Variants in ABCC9 observed in about 807,000 individuals in gnomAD.
ABCC9 encodes the protein ATP-binding cassette sub-family C member 9.
In ABCC9, 95 loss-of-function variants were observed where a neutral mutation model predicts 188.3. The observed-to-expected ratio is 0.50, with a 90% confidence interval of 0.43 to 0.60. The LOEUF is 0.60. ABCC9 is among the 20% of genes least tolerant of loss of function. The probability of loss-of-function intolerance (pLI) is 0.00; values close to 1 mark genes in which losing one functional copy is unlikely to be tolerated. For synonymous variants in ABCC9, 659 were observed against 652.7 expected (o/e 1.01, Z -0.15); for missense variants, 1,102 against 1,876.3 (o/e 0.59, Z 7.62).
At chr12:21,882,734 A>G (rs762322910) in intron 16 of ABCC9, 32 bp downstream of exon 16, 1 of 1,525,806 alleles carries the variant, frequency 6.6e-7, no homozygotes, top group Non-Finnish European at 9.1e-7. Flanking sequence ...AAATGTTTCT[A>G]TTCATGTAAG....
intron 35 of ABCC9, among the ~76,000 whole-genome samples, chr12:21,813,131 C>G (rs955560128): frequency 6.6e-6 from 1 of 151,954 alleles, no homozygotes; most frequent in African/African-American, 2.4e-5. Context: ...CTTTAAAAAC[C>G]AGGATCTTTG....
At chr12:21,893,972 A>G (rs542459860) in intron 14 of ABCC9, 60 bp downstream of exon 14, 1 of 1,555,958 alleles carries the variant, frequency 6.4e-7, no homozygotes, top group Middle Eastern at 1.7e-4. Context: ...AAATACTCCT[A>G]TTAGCACACG....
At chr12:21,896,182 C>T (rs1367797406) in intron 12 of ABCC9, among the ~76,000 whole-genome samples, 1 of 149,436 alleles carries the variant, frequency 6.7e-6, no homozygotes, top group Non-Finnish European at 1.5e-5. Flanking sequence ...TATACATGTG[C>T]CATGCTGGTG....
At chr12:21,835,840 T>C (rs1450979872) in intron 30 of ABCC9, among the ~76,000 whole-genome samples, 1 of 152,092 alleles carries the variant, frequency 6.6e-6, no homozygotes, top group Non-Finnish European at 1.5e-5. Context: ...TATACCAAAA[T>C]GATCAAAAAC....
intron 18 of ABCC9, among the ~76,000 whole-genome samples, chr12:21,869,265 C>T (rs1274705771): frequency 6.6e-6 from 1 of 152,118 alleles, no homozygotes; most frequent in African/African-American, 2.4e-5. Context: ...ACACTTTCAT[C>T]CTGCTGGCTG....
chr12:21,895,159 T>A, intron 13 of ABCC9, 116 bp downstream of exon 13: 2 of 872,970 alleles, frequency 2.3e-6, no homozygotes, highest in Middle Eastern at 5.1e-4. Context: ...GAGACTGCCA[T>A]AGAGAGAAGT....
At chr12:21,879,353 G>T (rs1309169927) in intron 16 of ABCC9, among the ~76,000 whole-genome samples, 1 of 152,096 alleles carries the variant, frequency 6.6e-6, no homozygotes, top group Non-Finnish European at 1.5e-5. Flanking sequence ...AAAAGCAGGA[G>T]CCAGATAGAC....
At chr12:21,937,484 T>C (rs1949533573) in intron 2 of ABCC9, among the ~76,000 whole-genome samples, 2 of 152,140 alleles carry the variant, frequency 1.3e-5, no homozygotes, top group Admixed American at 6.5e-5. Flanking sequence ...CGGCTTCTAC[T>C]CTTAGTGAAG....
intron 5 of ABCC9, among the ~76,000 whole-genome samples, chr12:21,919,893 C>G (rs1948737183): frequency 6.6e-6 from 1 of 151,906 alleles, no homozygotes; most frequent in Non-Finnish European, 1.5e-5. Flanking sequence ...ATCAAGCATG[C>G]ATAATATATT....
chr12:21,891,278 G>T (rs1238311161), intron 14 of ABCC9, among the ~76,000 whole-genome samples: 2 of 152,166 alleles, frequency 1.3e-5, no homozygotes, highest in East Asian at 3.8e-4. Context: ...TGGTAAGACG[G>T]TGAAATGGAG....
intron 6 of ABCC9, 132 bp from the exon 7 acceptor site, chr12:21,916,042 C>T (rs1948591130): frequency 2.3e-6 from 2 of 852,772 alleles, no homozygotes; most frequent in Admixed American, 2.7e-5. Flanking sequence ...TCCTTCCATC[C>T]CTTTCTGAAA....
chr12:21,911,779 T>C (rs1419234254), intron 8 of ABCC9, among the ~76,000 whole-genome samples: 3 of 151,960 alleles, frequency 2.0e-5, no homozygotes, highest in Non-Finnish European at 2.9e-5. Context: ...GTGGTTAATA[T>C]ATGCAAGGGA....
intron 22 of ABCC9, among the ~76,000 whole-genome samples, chr12:21,854,772 A>G (rs752915193): frequency 2.4e-4 from 37 of 152,360 alleles, no homozygotes; most frequent in Non-Finnish European, 4.4e-4. Context: ...CTGGTAGAGA[A>G]TTCTACCACT....
chr12:21,799,010 C>G lies in ABCC9; in HGVS notation c.*2034G>C, dbSNP rs12817966. 1 of 146,568 alleles carries G rather than the reference C, an allele frequency of 6.8e-6. No homozygotes were observed. The highest frequency in any genetic ancestry group is 1.5e-5 in the Non-Finnish European group (1 of 66,818). 9.1% of individuals were successfully genotyped at this position (146,568 alleles called of 1,614,324 possible). A position where few individuals can be genotyped will look rare whatever the true frequency, so the allele number is the denominator to read the frequency against. ...ACTATCGCAAGAACAAAAAACCAAA[C>G]ACCGCATATTCTCACTCATAGGTGG... On this transcript the variant is annotated 3_prime_UTR_variant, in exon 40 of 40. Coordinates refer to ENST00000261200, the MANE Select transcript of ABCC9 (RefSeq NM_020297.4).
intron 15 of ABCC9, among the ~76,000 whole-genome samples, chr12:21,885,456 G>A (rs1946824673): frequency 6.6e-6 from 1 of 152,042 alleles, no homozygotes; most frequent in East Asian, 1.9e-4. Flanking sequence ...AAATTCTTCA[G>A]ATTTCCCTAA....
chr12:21,851,610 C>G (rs1000107874), intron 24 of ABCC9, among the ~76,000 whole-genome samples: 1 of 152,098 alleles, frequency 6.6e-6, no homozygotes, highest in African/African-American at 2.4e-5. Context: ...TACCTTCTTT[C>G]ACCCCAGAAG....
At chr12:21,913,168 ATACTT>A (rs1948401334) in intron 7 of ABCC9, 102 bp from the exon 8 acceptor site, 13 of 1,046,542 alleles carry the variant, frequency 1.2e-5, no homozygotes, top group Non-Finnish European at 1.8e-5. Context: ...TACTTCAAAA[ATACTT>A]TAAGGGTTTA....
At chr12:21,810,552 A>T (rs964670399) in intron 36 of ABCC9, among the ~76,000 whole-genome samples, 2 of 152,112 alleles carry the variant, frequency 1.3e-5, no homozygotes, top group South Asian at 4.1e-4. Flanking sequence ...GAGAAGTATT[A>T]AGCAAAGTGG....
chr12:21,901,669 A>G (rs1947757880), intron 12 of ABCC9, among the ~76,000 whole-genome samples: 1 of 152,202 alleles, frequency 6.6e-6, no homozygotes, highest in South Asian at 2.1e-4. Flanking sequence ...TCTCAGATAA[A>G]ACAGACTTTA....
Sources: gnomAD v4.1 joint callset for allele counts (sites outside exome capture counted in the v4.1 genomes callset) on GRCh38, gnomAD v4.1.1 for gene constraint, MANE v1.5 for transcripts, NCBI Gene and HGNC (gene_info 2026-07-23, HGNC 2026-07-21) for gene names.